The following SLC35F1 variants were observed in gnomAD, a reference collection of about 807,000 sequenced individuals.
SLC35F1 encodes chromosome 6 open reading frame 169.
SLC35F1 carries 14 observed loss-of-function variants against 48.7 expected under a neutral mutation model. That is an observed-to-expected ratio of 0.29 (90% confidence interval 0.19 to 0.45). The LOEUF is 0.45. Among genes scored for constraint, SLC35F1 ranks in the 20% least tolerant of loss-of-function variants. SLC35F1 has a pLI of 1.00. For synonymous variants in SLC35F1, 190 were observed against 202.2 expected, an observed-to-expected ratio of 0.94 and a Z score of 0.51; for missense variants, 404 against 500.0, an observed-to-expected ratio of 0.81 and a Z score of 1.83.
chr6:118,212,961 G>T (rs1184996503), intron 2 of SLC35F1, among the ~76,000 whole-genome samples: 1 of 152,114 alleles, frequency 6.6e-6, no homozygotes, highest in African/African-American at 2.4e-5. Flanking sequence ...CCTGAATATT[G>T]TCTATAAAAA....
rs529778559 is a variant in SLC35F1 at position 118,036,001 on chromosome 6, T to C, written c.174-118444T>C. The stretch of plus-strand genomic sequence containing the variant: ...GCCACCGCACCCAGACAAGGCTTTG[T>C]TAATTTTTTAAAATTATTTTTCTAT... On this transcript the variant is annotated intron_variant, in intron 1 of 7. Coordinates refer to ENST00000360388, the MANE Select transcript of SLC35F1 (RefSeq NM_001029858.4). 8.5e-5 allele frequency among the ~76,000 whole-genome samples: 13 copies of C among 152,300 alleles called. 1 individual carries two copies. Among genetic ancestry groups the C allele is most frequent in the African/African-American group, 3.1e-4 (13 of 41,584 alleles).
intron 1 of SLC35F1, among the ~76,000 whole-genome samples, chr6:117,940,250 G>T (rs1197015983): frequency 1.3e-5 from 2 of 152,170 alleles, no homozygotes; most frequent in African/African-American, 4.8e-5. Context: ...ACAAGCACGA[G>T]TCTTCTATTC....
At chr6:118,200,089 G>A (rs574876298) in intron 2 of SLC35F1, among the ~76,000 whole-genome samples, 2 of 152,168 alleles carry the variant, frequency 1.3e-5, no homozygotes, top group East Asian at 3.9e-4. Context: ...TTGCCCTTCA[G>A]AGAGATTATA....
chr6:117,999,118 G>A lies in SLC35F1; in HGVS notation c.173+91219G>A, dbSNP rs963207353. 6 of 1,586,082 alleles carry A rather than the reference G, an allele frequency of 3.8e-6. No homozygotes were observed. The African/African-American group carries it at 5.4e-5, about 14-fold the overall frequency. On this transcript the variant is annotated intron_variant, in intron 1 of 7. Transcript: ENST00000360388. ...TGAGGAACATGCGCTTTGCCAAGAA[G>A]CACAACAAAAAGGGCCTAAAGAAGA... is the stretch of plus-strand genomic sequence containing the variant.
chr6:117,960,168 G>T (rs144979042), intron 1 of SLC35F1, among the ~76,000 whole-genome samples: 120 of 152,086 alleles, frequency 7.9e-4, no homozygotes, highest in African/African-American at 2.7e-3. Flanking sequence ...GTCTAGAGGG[G>T]TTGACAAATA....
At chr6:118,136,932 T>A (rs958640058) in intron 1 of SLC35F1, among the ~76,000 whole-genome samples, 6 of 152,252 alleles carry the variant, frequency 3.9e-5, no homozygotes, top group African/African-American at 1.2e-4. Context: ...GGATTAGCTA[T>A]GGAACTGGAA....
At chr6:118,059,100 A>G (rs1342510849) in intron 1 of SLC35F1, among the ~76,000 whole-genome samples, 1 of 152,202 alleles carries the variant, frequency 6.6e-6, no homozygotes, top group Non-Finnish European at 1.5e-5. Flanking sequence ...TGCATTCCAC[A>G]CATTTGAGTT....
At chr6:118,060,103 T>C (rs1002496817) in intron 1 of SLC35F1, among the ~76,000 whole-genome samples, 1 of 152,220 alleles carries the variant, frequency 6.6e-6, no homozygotes, top group African/African-American at 2.4e-5. Context: ...ACATGGACTT[T>C]AGCACCAGAC....
chr6:118,021,124 T>C (rs1413359352), intron 1 of SLC35F1, among the ~76,000 whole-genome samples: 2 of 152,150 alleles, frequency 1.3e-5, no homozygotes, highest in East Asian at 3.9e-4. Context: ...ATGGGACTGC[T>C]GCTGTAACTC....
intron 1 of SLC35F1, among the ~76,000 whole-genome samples, chr6:117,987,593 C>G (rs1320760590): frequency 2.0e-5 from 3 of 152,152 alleles, no homozygotes; most frequent in Non-Finnish European, 4.4e-5. Flanking sequence ...ACTTTCCAAT[C>G]CCTTAAATGA....
intron 1 of SLC35F1, among the ~76,000 whole-genome samples, chr6:117,934,786 TA>T (rs1380670960): frequency 2.0e-5 from 3 of 152,190 alleles, no homozygotes; most frequent in Non-Finnish European, 2.9e-5. Context: ...GTTCAGTGTA[TA>T]ACCTGTTAGA....
At chr6:117,937,147 A>G (rs1200135006) in intron 1 of SLC35F1, among the ~76,000 whole-genome samples, 2 of 152,158 alleles carry the variant, frequency 1.3e-5, no homozygotes, top group Non-Finnish European at 2.9e-5. Context: ...GTGGGTTCCA[A>G]ATAAGTAGTA....
intron 1 of SLC35F1, among the ~76,000 whole-genome samples, chr6:118,100,713 A>G (rs1177643205): frequency 6.6e-6 from 1 of 152,090 alleles, no homozygotes; most frequent in Non-Finnish European, 1.5e-5. Flanking sequence ...CAGAGTTTTT[A>G]TTAATGTTGC....
chr6:118,076,735 A>G (rs115202959), intron 1 of SLC35F1, among the ~76,000 whole-genome samples: 1,792 of 152,320 alleles, frequency 0.012, 38 homozygotes, highest in African/African-American at 0.041. Context: ...TAAATAATTC[A>G]TATTCTCACC....
chr6:118,172,301 G>A (rs1234477563), intron 2 of SLC35F1, among the ~76,000 whole-genome samples: 1 of 152,068 alleles, frequency 6.6e-6, no homozygotes, highest in Non-Finnish European at 1.5e-5. Context: ...AGACATAGAG[G>A]AATTTTAGCC....
chr6:117,991,834 G>T (rs555829373), intron 1 of SLC35F1, among the ~76,000 whole-genome samples: 1 of 152,114 alleles, frequency 6.6e-6, no homozygotes, highest in South Asian at 2.1e-4. Flanking sequence ...TTAGTACTGG[G>T]ATACATTTTC....
intron 1 of SLC35F1, among the ~76,000 whole-genome samples, chr6:118,001,092 A>G (rs985200149): frequency 6.6e-6 from 1 of 152,174 alleles, no homozygotes; most frequent in African/African-American, 2.4e-5. Context: ...AGAATTGGAA[A>G]AAACTATTTT....
chr6:118,042,716 G>T (rs1472512859), intron 1 of SLC35F1, among the ~76,000 whole-genome samples: 4 of 152,132 alleles, frequency 2.6e-5, no homozygotes, highest in Non-Finnish European at 4.4e-5. Context: ...ATGAATGATG[G>T]CAAGTATTTA....
chr6:118,139,579 G>A (rs1387275237), intron 1 of SLC35F1, among the ~76,000 whole-genome samples: 4 of 152,140 alleles, frequency 2.6e-5, no homozygotes, highest in Non-Finnish European at 5.9e-5. Flanking sequence ...TTCCAGGAAG[G>A]CCATAAAAAG....
Sources: allele counts gnomAD v4.1 joint callset (sites outside exome capture counted in the v4.1 genomes callset), GRCh38; gene constraint gnomAD v4.1.1; transcripts MANE v1.5; gene names NCBI Gene and HGNC (gene_info 2026-07-23, HGNC 2026-07-21).